The following EPN1 variants were observed in gnomAD, a reference collection of about 807,000 sequenced individuals.
EPN1 encodes the protein epsin 1, also known as epsin-1.
EPN1 carries 25 observed loss-of-function variants against 56.9 expected under a neutral mutation model. The observed-to-expected ratio is 0.44, with a 90% CI of 0.32 to 0.61. The LOEUF is 0.61. Ranked by LOEUF, EPN1 falls within the 20% of genes least tolerant of loss-of-function variation. The pLI is 0.05. For missense variants in EPN1, 785 were observed against 823.7 expected (o/e 0.95, Z 0.58); for synonymous variants, 411 against 361.8 (o/e 1.14, Z -1.54).
rs1300554386 is a variant in EPN1 at position 55,691,802 on chromosome 19, C to G, written c.811C>G (p.Pro271Ala). The G allele has an allele frequency of 1.2e-6, 2 of 1,612,454 alleles. No individual in the cohort carries two copies. The change falls in exon 7 of 11, where the codon CCG becomes GCG. Residue 271 changes from proline to alanine, a missense_variant. By Grantham distance (27) the Pro-to-Ala change is conservative. This residue lies in a region of EPN1 where 650 missense variants were observed against 605.0 expected (regional missense o/e 1.07). Coordinates refer to ENST00000270460, the MANE Select transcript of EPN1 (RefSeq NM_001130072.2). The surrounding 1 kb of genome is among the most constrained non-coding windows in gnomAD (Gnocchi z 5.6). ...ADVFTAPAPA[P>A]TTDPWGGPAP... is the part of the protein sequence containing the mutation. ...CGTCTTCACGGCCCCAGCTCCTGCCCCGACCACAGACCCCTGGGGGGGCCC... is the reference window on the plus strand; with the variant it reads ...CGTCTTCACGGCCCCAGCTCCTGCCGCGACCACAGACCCCTGGGGGGGCCC...
chr19:55,690,360 TGTTG>T (rs1410667508), intron 6 of EPN1, among the ~76,000 whole-genome samples: 1 of 152,260 alleles, frequency 6.6e-6, no homozygotes, highest in Non-Finnish European at 1.5e-5. Context: ...ACCCAGGGCC[TGTTG>T]GTGAGCGAGG....
chr19:55,682,908 C>T (rs1408193061), intron 2 of EPN1, among the ~76,000 whole-genome samples: 1 of 152,022 alleles, frequency 6.6e-6, no homozygotes, highest in Non-Finnish European at 1.5e-5. Context: ...AGGTACTTGC[C>T]ACCACGCCTG....
At chr19:55,682,959 A>G (rs35930019) in intron 2 of EPN1, among the ~76,000 whole-genome samples, 63 of 150,214 alleles carry the variant, frequency 4.2e-4, no homozygotes, top group Middle Eastern at 3.6e-3. Context: ...GTTTCACCAT[A>G]TTGGCCAGGC....
In EPN1 at chr19:55,705,330, T is replaced by C. The variant is rs776556370; in HGVS notation, c.*9974T>C. ...CGAAAACAAACCAATGAAAAAAACC[T>C]CTCAGAACGATACAGAATCCAGAGC... On this transcript the variant is annotated 3_prime_UTR_variant, in exon 11 of 11. Transcript: ENST00000270460. 6.6e-6 allele frequency: 1 copy of C among 152,112 alleles called. No homozygotes were observed. The highest frequency in any genetic ancestry group is 2.4e-5 in the African/African-American group (1 of 41,416). The allele number at this position is 152,112 out of a possible 1,614,324, so 9.4% of individuals were successfully genotyped here.
At chr19:55,675,712 G>A (rs112891901) in intron 1 of EPN1, among the ~76,000 whole-genome samples, 137 of 152,270 alleles carry the variant, frequency 9.0e-4, no homozygotes, top group African/African-American at 3.2e-3. Context: ...GTGTGTTTGT[G>A]TGTCTGTCCC....
chr19:55,676,839 G>C (rs1271422017), intron 1 of EPN1: 2 of 206,990 alleles, frequency 9.7e-6, no homozygotes, highest in Non-Finnish European at 1.9e-5. Context: ...TCTTGTATCT[G>C]CTGCTGCCTG....
chr19:55,677,110 C>A, intron 1 of EPN1: 1 of 1,550,184 alleles, frequency 6.5e-7, no homozygotes, highest in South Asian at 1.2e-5. Context: ...CCTATCTCCC[C>A]TGGGCTTACA....
At position 55,706,127 on chromosome 19, in the gene EPN1, G is replaced by T; in HGVS notation, c.*10771G>T. The T allele has an allele frequency of 4.4e-6, 1 of 228,808 alleles. No individual in the cohort carries two copies. Among genetic ancestry groups the T allele is most frequent in the Non-Finnish European group, 8.8e-6 (1 of 113,404 alleles). 14.2% of individuals were successfully genotyped at this position (228,808 alleles called of 1,614,324 possible). ...TCTGCATGTGCAGGTTTATGAGACTGGAGAACTTTGATTTCTTCTTCCTCC... is the reference window on the plus strand; with the variant it reads ...TCTGCATGTGCAGGTTTATGAGACTTGAGAACTTTGATTTCTTCTTCCTCC... On this transcript the variant is annotated 3_prime_UTR_variant, in exon 11 of 11. Coordinates refer to ENST00000270460, the MANE Select transcript of EPN1 (RefSeq NM_001130072.2).
At chr19:55,692,218 C>T (rs1391191031) in intron 7 of EPN1, among the ~76,000 whole-genome samples, 161 bp downstream of exon 7, 2 of 151,868 alleles carry the variant, frequency 1.3e-5, no homozygotes, top group Non-Finnish European at 2.9e-5. Flanking sequence ...AGATGAGAGC[C>T]CAGCACAGGG....
chr19:55,695,764 G>T lies in EPN1; in HGVS notation c.*408G>T, dbSNP rs975087052. On this transcript the variant is annotated 3_prime_UTR_variant, in exon 11 of 11. Transcript: ENST00000270460. The surrounding 1 kb of genome is among the most constrained non-coding windows in gnomAD (Gnocchi z 4.4). ...AATAAATGGCAATTCCCACGGGCTT[G>T]GCACTCCCAGATTCCCATCTGTGAT... 1.1e-5 allele frequency: 2 copies of T among 177,188 alleles called. No individual in the cohort carries two copies. The highest frequency in any genetic ancestry group is 2.4e-5 in the African/African-American group (1 of 42,156). The allele number at this position is 177,188 out of a possible 1,614,324, so 11.0% of individuals were successfully genotyped here.
rs781722721 is a variant in EPN1, at chr19:55,691,823, G to T, written c.832G>T (p.Gly278Cys). Residue 278 changes from glycine to cysteine, a missense_variant, in exon 7 of 11, where the codon GGC (glycine) becomes TGC (cysteine). By Grantham distance (159) the Gly-to-Cys change is radical. This residue lies in a region of EPN1 where 650 missense variants were observed against 605.0 expected (regional missense o/e 1.07). Transcript: ENST00000270460. The surrounding 1 kb of genome is among the most constrained non-coding windows in gnomAD (Gnocchi z 5.6). ...TGCCCCGACCACAGACCCCTGGGGG[G>T]GCCCAGCACCCATGGCTGCTGCCGT... ...APAPTTDPWG[G>C]PAPMAAAVPT... 6.2e-6 allele frequency: 10 copies of T among 1,610,080 alleles called. No individual in the cohort carries two copies. In the East Asian group the frequency reaches 6.7e-5, roughly 11 times the overall value.
Position 55,692,726 on chromosome 19 carries a change from G to T in EPN1, c.1107G>T (p.Trp369Cys), listed in dbSNP as rs1310190265. Residue 369 changes from tryptophan (W) to cysteine (C), a missense_variant, in exon 8 of 11, where the codon TGG (tryptophan) becomes TGT (cysteine). Trp to Cys is a radical substitution (Grantham distance 215). Coordinates refer to ENST00000270460, the MANE Select transcript of EPN1 (RefSeq NM_001130072.2). ...PVSGPSASDP[W>C]TPAPAFSDPW... is the part of the protein sequence containing the mutation. ...GTGGGCCCTCAGCCTCCGATCCCTG[G>T]ACACCGGCCCCGGCCTTCTCAGATC... 1.9e-6 allele frequency: 3 copies of T among 1,566,810 alleles called. No individual in the cohort carries two copies. The highest frequency in any genetic ancestry group is 2.7e-5 in the African/African-American group (2 of 73,700).
At position 55,689,124 on chromosome 19, in the gene EPN1, C is replaced by T; in HGVS notation, c.603+130C>T. 1 of 1,337,868 alleles carries T rather than the reference C, an allele frequency of 7.5e-7. No individual in the cohort carries two copies. The highest frequency in any genetic ancestry group is 1.0e-6 in the Non-Finnish European group (1 of 993,224). The allele number at this position is 1,337,868 out of a possible 1,614,324, so 82.9% of individuals were successfully genotyped here. On this transcript the variant is annotated intron_variant, in intron 4 of 10. Transcript: ENST00000270460. The surrounding 1 kb of genome is among the most constrained non-coding windows in gnomAD (Gnocchi z 5.7). ...CACATGCTGTCACTCGTCTCCTCCC[C>T]AGTCCTGCCTCATCCTCACCCCGCC...
Position 55,694,650 on chromosome 19 carries a change from G to C in EPN1, c.1265-76G>C, listed in dbSNP as rs953559706. The stretch of plus-strand genomic sequence containing the variant: ...CCGGGCTCTTTGAAGCGCCCCCTAT[G>C]ATGGCCTATACTGCTCCCGGGTTGG... On this transcript the variant is annotated intron_variant, in intron 9 of 10. Coordinates refer to ENST00000270460, the MANE Select transcript of EPN1 (RefSeq NM_001130072.2). The surrounding 1 kb of genome is among the most constrained non-coding windows in gnomAD (Gnocchi z 4.2). 4 of 1,464,302 alleles carry C rather than the reference G, an allele frequency of 2.7e-6. No individual in the cohort carries two copies. The African/African-American group carries it at 5.7e-5, about 21-fold the overall frequency. 90.7% of individuals were successfully genotyped at this position (1,464,302 alleles called of 1,614,324 possible). A position where few individuals can be genotyped will look rare whatever the true frequency, so the allele number is the denominator to read the frequency against.
At chr19:55,676,436 C>G (rs894648522) in intron 1 of EPN1, among the ~76,000 whole-genome samples, 1 of 152,198 alleles carries the variant, frequency 6.6e-6, no homozygotes, top group Non-Finnish European at 1.5e-5. Flanking sequence ...GTAATTTTTT[C>G]TAATGCACGC....
intron 6 of EPN1, among the ~76,000 whole-genome samples, chr19:55,690,400 CTG>C (rs1249722874): frequency 1.3e-5 from 2 of 152,274 alleles, no homozygotes; most frequent in South Asian, 2.1e-4. Context: ...CTCGCGAACA[CTG>C]TTTCTGTGGC....
rs774393713 is a variant in EPN1, at chr19:55,695,386, C to T, written c.*30C>T. On this transcript the variant is annotated 3_prime_UTR_variant, in exon 11 of 11. Coordinates refer to ENST00000270460, the MANE Select transcript of EPN1 (RefSeq NM_001130072.2). The surrounding 1 kb of genome is among the most constrained non-coding windows in gnomAD (Gnocchi z 4.4). ...GGGCGGAAGGGGGCCTGGCTCCATC[C>T]GGCTGCCCCATTCCGGCTCCCTGGG... is the stretch of plus-strand genomic sequence containing the variant. The T allele has an allele frequency of 2.5e-5, 31 of 1,254,564 alleles. No homozygotes were observed. The highest frequency in any genetic ancestry group is 3.2e-5 in the Non-Finnish European group (29 of 902,354). The allele number at this position is 1,254,564 out of a possible 1,614,324, so 77.7% of individuals were successfully genotyped here. A position where few individuals can be genotyped will look rare whatever the true frequency, so the allele number is the denominator to read the frequency against.
chr19:55,700,626 ACCC>A lies in EPN1; in HGVS notation c.*5272_*5274del, dbSNP rs1987098466. ...AACTATAGACAATATTATCATAACCACCCCTGCAAATGCCTCACTCGTGTTCAG... is the reference window on the plus strand; with the variant it reads ...AACTATAGACAATATTATCATAACCACTGCAAATGCCTCACTCGTGTTCAG... On this transcript the variant is annotated 3_prime_UTR_variant, in exon 11 of 11. Coordinates refer to ENST00000270460, the MANE Select transcript of EPN1 (RefSeq NM_001130072.2). 2 of 151,732 alleles carry A rather than the reference ACCC, an allele frequency of 1.3e-5. No homozygotes were observed. 9.4% of individuals were successfully genotyped at this position (151,732 alleles called of 1,614,324 possible). A position where few individuals can be genotyped will look rare whatever the true frequency, so the allele number is the denominator to read the frequency against.
At position 55,695,186 on chromosome 19, in the gene EPN1, C is replaced by T; in HGVS notation, c.1561C>T (p.Gln521Ter). 1 of 1,613,778 alleles carries T rather than the reference C, an allele frequency of 6.2e-7. No individual in the cohort carries two copies. The highest frequency in any genetic ancestry group is 8.5e-7 in the Non-Finnish European group (1 of 1,179,850). The change falls in exon 11 of 11, where the codon CAG becomes TAG. Residue 521 changes from glutamine (Q) to a stop codon, truncating the protein, a stop_gained. Transcript: ENST00000270460. LOFTEE classifies it high-confidence loss of function. This position sits in a 1 kb window ranked among gnomAD's most constrained non-coding sequence, Gnocchi z 4.4. ...ATGPSVTNPF[Q>*]PAPPATLTLN... Reference sequence around the variant, plus strand: ...TGGCCCTTCCGTCACCAACCCCTTCCAGCCCGCGCCTCCCGCGACGCTCAC... The same window carrying T: ...TGGCCCTTCCGTCACCAACCCCTTCTAGCCCGCGCCTCCCGCGACGCTCAC...
Sources: gnomAD v4.1 joint callset for allele counts (sites outside exome capture counted in the v4.1 genomes callset) on GRCh38, gnomAD v4.1.1 for gene constraint, gnomAD v4.1.1 regional missense constraint, Gnocchi (gnomAD v3.1) non-coding constraint, MANE v1.5 for transcripts, NCBI Gene and HGNC (gene_info 2026-07-23, HGNC 2026-07-21) for gene names.